The following ABAT variants were observed in gnomAD, a reference collection of about 807,000 sequenced individuals.
The protein encoded by ABAT is 4-aminobutyrate aminotransferase, mitochondrial.
Under a neutral mutation model 64.6 loss-of-function variants are expected in ABAT, and 45 were observed. The ratio of observed to expected loss-of-function variants is 0.70; its 90% confidence interval spans 0.55 to 0.89. The LOEUF is 0.89. Among genes scored for constraint, ABAT ranks in the 40% least tolerant of loss-of-function variants. The pLI is 0.00. For missense variants in ABAT, 633 were observed against 658.4 expected (o/e 0.96, Z 0.42); for synonymous variants, 297 against 250.5 (o/e 1.19, Z -1.75).
At chr16:8,757,242 A>C in intron 5 of ABAT, 1 of 444,928 alleles carries the variant, frequency 2.2e-6, no homozygotes, top group Non-Finnish European at 4.5e-6. Context: ...ATCTCAACTC[A>C]ATGCAACCTC....
At chr16:8,699,767 T>C (rs2142016014) in intron 1 of ABAT, among the ~76,000 whole-genome samples, 1 of 152,084 alleles carries the variant, frequency 6.6e-6, no homozygotes, top group Non-Finnish European at 1.5e-5. Context: ...GGTTTTGCCA[T>C]GTTGCCCAGG....
chr16:8,729,798 GTCTT>G (rs1358835038), intron 1 of ABAT, among the ~76,000 whole-genome samples: 1 of 134,728 alleles, frequency 7.4e-6, no homozygotes, highest in Admixed American at 8.1e-5. Context: ...CTGCTCTCTA[GTCTT>G]TCTTTTGTCT....
intron 2 of ABAT, among the ~76,000 whole-genome samples, chr16:8,742,286 G>C (rs2142536463): frequency 6.6e-6 from 1 of 152,264 alleles, no homozygotes; most frequent in African/African-American, 2.4e-5. Flanking sequence ...CCTGTGTACT[G>C]CTCCCATTCC....
At chr16:8,772,163 A>G (rs1651757418) in intron 11 of ABAT, among the ~76,000 whole-genome samples, 1 of 152,124 alleles carries the variant, frequency 6.6e-6, no homozygotes, top group Admixed American at 6.6e-5. Flanking sequence ...AGGAACAATA[A>G]TAATCAATAA....
intron 2 of ABAT, among the ~76,000 whole-genome samples, chr16:8,744,026 G>A (rs959481189): frequency 1.3e-5 from 2 of 152,110 alleles, no homozygotes; most frequent in Non-Finnish European, 2.9e-5. Flanking sequence ...AACATGTGGA[G>A]CTAAAAAGAT....
rs10261 is a variant in ABAT at position 8,784,314 on chromosome 16, T to C, written c.*2884T>C. On this transcript the variant is annotated 3_prime_UTR_variant, in exon 16 of 16. Transcript: ENST00000268251. ...ACTGACGCTCAGTAACCATGCAAAA[T>C]TGTGTATAGCATTAATGTATCTACA... The C allele has an allele frequency of 4.6e-3, 709 of 152,780 alleles. 4 individuals are homozygous for C. Among genetic ancestry groups the C allele is most frequent in the Non-Finnish European group, 8.3e-3 (566 of 68,032 alleles). The allele number at this position is 152,780 out of a possible 1,614,324, so 9.5% of individuals were successfully genotyped here. A position where few individuals can be genotyped will look rare whatever the true frequency, so the allele number is the denominator to read the frequency against.
At position 8,779,483 on chromosome 16, in the gene ABAT, G is replaced by A. The variant is rs368127499; in HGVS notation, c.1274G>A (p.Arg425Gln). The A allele has an allele frequency of 7.4e-5, 120 of 1,613,922 alleles. No homozygotes were observed. The highest frequency in any genetic ancestry group is 4.7e-4 in the East Asian group (21 of 44,872). The change falls in exon 15 of 16, where the codon CGG becomes CAG. Residue 425 changes from arginine (R) to glutamine (Q), a missense_variant. By Grantham distance (43) the Arg-to-Gln change is conservative. Coordinates refer to ENST00000268251, the MANE Select transcript of ABAT (RefSeq NM_020686.6). The part of the protein sequence containing the change: ...LLTGLLDLQA[R>Q]YPQFISRVRG... Reference sequence around the variant, plus strand: ...CCTTGTCTCCTCCCACTACAGGCCCGGTACCCCCAGTTCATCAGCAGGGTG... The same window carrying A: ...CCTTGTCTCCTCCCACTACAGGCCCAGTACCCCCAGTTCATCAGCAGGGTG...
chr16:8,755,876 C>T (rs187805615), intron 5 of ABAT, among the ~76,000 whole-genome samples: 471 of 152,234 alleles, frequency 3.1e-3, no homozygotes, highest in Non-Finnish European at 5.3e-3. Flanking sequence ...GATGAAACCC[C>T]GTCTCTACTA....
At chr16:8,690,822 C>G (rs1332010572) in intron 1 of ABAT, among the ~76,000 whole-genome samples, 1 of 152,142 alleles carries the variant, frequency 6.6e-6, no homozygotes, top group African/African-American at 2.4e-5. Flanking sequence ...AATGGGTCTG[C>G]CCCTTGTTCC....
At chr16:8,697,071 T>G (rs1567273958) in intron 1 of ABAT, among the ~76,000 whole-genome samples, 1 of 152,012 alleles carries the variant, frequency 6.6e-6, no homozygotes, top group Non-Finnish European at 1.5e-5. Context: ...AAGAGACAGA[T>G]AAGGGTGACA....
chr16:8,736,177 G>A (rs929153342), intron 2 of ABAT: 7 of 282,558 alleles, frequency 2.5e-5, no homozygotes, highest in Admixed American at 4.6e-5. Context: ...TGACTATCAT[G>A]AGAACAGCAT....
chr16:8,744,087 T>G (rs2059261582), intron 2 of ABAT, among the ~76,000 whole-genome samples: 1 of 152,178 alleles, frequency 6.6e-6, no homozygotes, highest in African/African-American at 2.4e-5. Flanking sequence ...CATTACACAT[T>G]ATGTGGAAAA....
intron 5 of ABAT, among the ~76,000 whole-genome samples, chr16:8,756,275 G>A (rs2059646329): frequency 6.6e-6 from 1 of 152,214 alleles, no homozygotes; most frequent in Admixed American, 6.5e-5. Context: ...AGGCCAACAT[G>A]CGATAGAATG....
chr16:8,774,423 C>T (rs1226880666), intron 12 of ABAT, among the ~76,000 whole-genome samples: 1 of 151,896 alleles, frequency 6.6e-6, no homozygotes, highest in Non-Finnish European at 1.5e-5. Context: ...GCAATCAAAC[C>T]GATAAGTTCA....
chr16:8,697,572 GTA>G (rs1204201920), intron 1 of ABAT, among the ~76,000 whole-genome samples: 1 of 152,054 alleles, frequency 6.6e-6, no homozygotes, highest in Non-Finnish European at 1.5e-5. Context: ...TTGGAATCAT[GTA>G]TGAATTTGAA....
chr16:8,735,756 T>C lies in ABAT; in HGVS notation c.17T>C (p.Leu6Pro). 1.2e-6 allele frequency: 2 copies of C among 1,606,456 alleles called. No individual in the cohort carries two copies. Among genetic ancestry groups the C allele is most frequent in the South Asian group, 1.1e-5 (1 of 89,294 alleles). The stretch of plus-strand genomic sequence containing the variant: ...CAAGGGGTCATGGCCTCCATGTTGC[T>C]CGCCCAGCGCCTGGCCTGCAGCTTC... Reference protein sequence around the residue: MASMLLAQRLACSFQH... With the variant: MASMLPAQRLACSFQH... The change falls in exon 2 of 16, where the codon CTC (leucine) becomes CCC (proline). Residue 6 changes from leucine to proline, a missense_variant. Physicochemically the swap from Leu to Pro is moderately conservative, Grantham distance 98. Coordinates refer to ENST00000268251, the MANE Select transcript of ABAT (RefSeq NM_020686.6).
intron 1 of ABAT, among the ~76,000 whole-genome samples, chr16:8,699,394 C>T (rs899805373): frequency 6.6e-6 from 1 of 152,054 alleles, no homozygotes; most frequent in Non-Finnish European, 1.5e-5. Context: ...TGGTGAAACC[C>T]TATCTCTACA....
chr16:8,738,616 G>GTTTTTTTTTTTTTTTTTTTTTTTTTTTT lies in ABAT; in HGVS notation c.70+2812_70+2813insTTTTTTTTTTTTTTTTTTTTTTTTTTTT, dbSNP rs772511380. ...TTTTTTCTTTTTTGTTTTTGTTTTT[G>GTTTTTTTTTTTTTTTTTTTTTTTTTTTT]TTTTTGTTTTTGTTTTTTTTTTGGT... On this transcript the variant is annotated intron_variant, in intron 2 of 15. Coordinates refer to ENST00000268251, the MANE Select transcript of ABAT (RefSeq NM_020686.6). Among the ~76,000 whole-genome samples the GTTTTTTTTTTTTTTTTTTTTTTTTTTTT allele has an allele frequency of 4.3e-5, 5 of 117,576 alleles. 1 individual carries two copies. Among genetic ancestry groups the GTTTTTTTTTTTTTTTTTTTTTTTTTTTT allele is most frequent in the South Asian group, 2.9e-4 (1 of 3,412 alleles). 77.1% of individuals were successfully genotyped at this position (117,576 alleles called of 152,430 possible). A position where few individuals can be genotyped will look rare whatever the true frequency, so the allele number is the denominator to read the frequency against.
chr16:8,784,109 G>A lies in ABAT; in HGVS notation c.*2679G>A, dbSNP rs1369584271. 4 of 152,612 alleles carry A rather than the reference G, an allele frequency of 2.6e-5. No individual in the cohort carries two copies. Among genetic ancestry groups the A allele is most frequent in the African/African-American group, 4.8e-5 (2 of 41,458 alleles). 9.5% of individuals were successfully genotyped at this position (152,612 alleles called of 1,614,324 possible). On this transcript the variant is annotated 3_prime_UTR_variant, in exon 16 of 16. Coordinates refer to ENST00000268251, the MANE Select transcript of ABAT (RefSeq NM_020686.6). ...AGGACAGGCTGCTGTCCAGGGCAGAGGCCATGAAGAAGTGCTTCCGTGGCC... is the reference window on the plus strand; with the variant it reads ...AGGACAGGCTGCTGTCCAGGGCAGAAGCCATGAAGAAGTGCTTCCGTGGCC...
Sources: allele counts gnomAD v4.1 joint callset (sites outside exome capture counted in the v4.1 genomes callset), GRCh38; gene constraint gnomAD v4.1.1; transcripts MANE v1.5; gene names NCBI Gene and HGNC (gene_info 2026-07-23, HGNC 2026-07-21).